GAB3: variants seen among roughly 807,000 people sequenced by gnomAD.
GAB3 encodes the protein GRB2 associated binding protein 3.
In GAB3, 12 loss-of-function variants were observed where a neutral mutation model predicts 40.4. That is an observed-to-expected ratio of 0.30 (90% CI 0.19 to 0.48). GAB3 has a LOEUF of 0.48. Among genes scored for constraint, GAB3 ranks in the 20% least tolerant of loss-of-function variants. GAB3 has a pLI of 0.99. For synonymous variants in GAB3, 154 were observed against 176.7 expected (o/e 0.87, Z 1.02); for missense variants, 381 against 461.9 (o/e 0.82, Z 1.61).
intron 2 of GAB3, among the ~76,000 whole-genome samples, chrX:154,715,130 C>G (rs894016420): frequency 8.9e-6 from 1 of 111,909 alleles, no homozygotes; most frequent in Non-Finnish European, 1.9e-5. Context: ...TGCCACCTAG[C>G]GTTAGAGTGT....
At chrX:154,723,808 T>C (rs1248070764) in intron 1 of GAB3, among the ~76,000 whole-genome samples, 1 of 111,032 alleles carries the variant, frequency 9.0e-6, no homozygotes, top group Non-Finnish European at 1.9e-5. Context: ...CTTAGAGAAA[T>C]GGAGTACAAA....
At chrX:154,710,658 G>C (rs1041818918) in intron 4 of GAB3, among the ~76,000 whole-genome samples, 6 of 111,771 alleles carry the variant, frequency 5.4e-5, no homozygotes, top group Admixed American at 9.4e-5. Context: ...CAGTGGGAAA[G>C]GCAGAACAAT....
chrX:154,710,430 ACTG>A (rs782585281), intron 4 of GAB3, among the ~76,000 whole-genome samples: 53 of 112,005 alleles, frequency 4.7e-4, no homozygotes, highest in African/African-American at 1.7e-3. Context: ...AGAGTGTGGC[ACTG>A]GTGCAAGCTG....
Position 154,713,288 on chromosome X carries a change from G to C in GAB3, c.515C>G (p.Thr172Ser). ...PNTNAVATEE[T>S]RSESELLFLP... Reference sequence around the variant, plus strand: ...GAAGAGAAGCTCTGACTCACTTCTGGTTTCCTCAGTGGCTACGGCATTAGT... The same window carrying C: ...GAAGAGAAGCTCTGACTCACTTCTGCTTTCCTCAGTGGCTACGGCATTAGT... The change falls in exon 3 of 10, where the codon ACC becomes AGC. Residue 172 changes from threonine to serine, a missense_variant. Transcript: ENST00000424127. 1.7e-6 allele frequency: 2 copies of C among 1,210,692 alleles called. No homozygotes were observed.
intron 8 of GAB3, among the ~76,000 whole-genome samples, chrX:154,681,801 A>T (rs782444387): frequency 1.8e-5 from 2 of 111,979 alleles, no homozygotes; most frequent in African/African-American, 3.2e-5. Context: ...TTAATATTGT[A>T]TATGGTGGTG....
intron 1 of GAB3, among the ~76,000 whole-genome samples, chrX:154,732,544 A>G (rs2071306125): frequency 8.9e-6 from 1 of 112,189 alleles, no homozygotes; most frequent in Non-Finnish European, 1.9e-5. Flanking sequence ...CTGAAAAAAT[A>G]GAGGTGGACA....
chrX:154,682,582 C>T (rs2070389135), intron 8 of GAB3, among the ~76,000 whole-genome samples: 1 of 111,473 alleles, frequency 9.0e-6, no homozygotes, highest in Admixed American at 9.5e-5. Context: ...TCATTTTTCT[C>T]CTTTAATCTG....
At chrX:154,726,761 G>A (rs2071216943) in intron 1 of GAB3, among the ~76,000 whole-genome samples, 1 of 111,213 alleles carries the variant, frequency 9.0e-6, no homozygotes, top group Non-Finnish European at 1.9e-5. Flanking sequence ...CAATGGTATC[G>A]CCATCCTTCC....
At chrX:154,748,703 T>A (rs2071564784) in intron 1 of GAB3, among the ~76,000 whole-genome samples, 1 of 112,139 alleles carries the variant, frequency 8.9e-6, no homozygotes, top group South Asian at 3.7e-4. Context: ...ATTGTCCTGG[T>A]TGTGCCAATA....
At chrX:154,725,601 C>T (rs2071201602) in intron 1 of GAB3, among the ~76,000 whole-genome samples, 1 of 110,799 alleles carries the variant, frequency 9.0e-6, no homozygotes, top group Non-Finnish European at 1.9e-5. Context: ...CAAAGGACCA[C>T]AGAGAACACA....
At chrX:154,685,446 T>A (rs1437142252) in intron 8 of GAB3, among the ~76,000 whole-genome samples, 1 of 111,439 alleles carries the variant, frequency 9.0e-6, no homozygotes, top group Non-Finnish European at 1.9e-5. Flanking sequence ...AAGTGTTCCA[T>A]CAAATTTTAA....
intron 8 of GAB3, among the ~76,000 whole-genome samples, chrX:154,695,099 A>T (rs1557250325): frequency 8.9e-6 from 1 of 112,212 alleles, no homozygotes; most frequent in African/African-American, 3.2e-5. Context: ...ATATTGTCAC[A>T]GAGCCTTGAA....
chrX:154,720,308 C>T (rs901438894), intron 1 of GAB3, among the ~76,000 whole-genome samples: 2 of 111,343 alleles, frequency 1.8e-5, no homozygotes, highest in South Asian at 3.7e-4. Context: ...AACATATGCC[C>T]GTCATTGAAT....
intron 1 of GAB3, among the ~76,000 whole-genome samples, chrX:154,736,673 G>A (rs912958311): frequency 8.9e-6 from 1 of 112,372 alleles, no homozygotes. Context: ...TCAAATGCAG[G>A]GGCAGGGAGA....
At chrX:154,686,764 T>A (rs1347859232) in intron 8 of GAB3, among the ~76,000 whole-genome samples, 1 of 110,491 alleles carries the variant, frequency 9.1e-6, no homozygotes, top group Non-Finnish European at 1.9e-5. Context: ...AATGGGTCAT[T>A]GGAAGCTGAA....
At chrX:154,700,265 G>A (rs1333248245) in intron 4 of GAB3, among the ~76,000 whole-genome samples, 1 of 111,759 alleles carries the variant, frequency 8.9e-6, no homozygotes, top group Non-Finnish European at 1.9e-5. Flanking sequence ...GAAATAGGAG[G>A]AGACATAGCA....
intron 1 of GAB3, among the ~76,000 whole-genome samples, chrX:154,733,869 T>G (rs1428801755): frequency 8.9e-6 from 1 of 112,336 alleles, no homozygotes; most frequent in Non-Finnish European, 1.9e-5. Context: ...CTAAAGACTT[T>G]CCGAGTCAGT....
At chrX:154,732,973 A>G (rs1281819051) in intron 1 of GAB3, among the ~76,000 whole-genome samples, 3 of 112,041 alleles carry the variant, frequency 2.7e-5, no homozygotes, top group Non-Finnish European at 5.6e-5. Context: ...ACTTATCCCC[A>G]GGTACTTGGA....
chrX:154,714,484 C>CT (rs1557257224), intron 2 of GAB3, among the ~76,000 whole-genome samples: 1 of 112,176 alleles, frequency 8.9e-6, no homozygotes, highest in African/African-American at 3.2e-5. Flanking sequence ...ACCAAACACT[C>CT]TGTGAAAAGT....
Sources: allele counts gnomAD v4.1 joint callset (sites outside exome capture counted in the v4.1 genomes callset), GRCh38; gene constraint gnomAD v4.1.1; transcripts MANE v1.5; gene names NCBI Gene and HGNC (gene_info 2026-07-23, HGNC 2026-07-21).